KCNH7: variants seen among roughly 807,000 people sequenced by gnomAD.
The protein encoded by KCNH7 is potassium voltage-gated channel subfamily H member 7.
In KCNH7, 49 loss-of-function variants were observed where a neutral mutation model predicts 120.8. That is an observed-to-expected ratio of 0.41 (90% CI 0.32 to 0.51). The LOEUF (loss-of-function observed/expected upper bound fraction) is 0.51, where lower values mean the gene tolerates loss of function less well. Ranked by LOEUF, KCNH7 falls within the 20% of genes least tolerant of loss-of-function variation. The pLI, the probability that KCNH7 is intolerant of heterozygous loss-of-function variation, is 0.38. For synonymous variants in KCNH7, 547 were observed against 516.1 expected (o/e 1.06, Z -0.81); for missense variants, 1,097 against 1,446.6 (o/e 0.76, Z 3.92).
chr2:162,803,520 C>G (rs570624694), intron 2 of KCNH7, among the ~76,000 whole-genome samples: 3 of 151,810 alleles, frequency 2.0e-5, no homozygotes, highest in Admixed American at 2.0e-4. Context: ...AACACAGCCC[C>G]TAAATGATTC....
At chr2:162,628,964 T>C (rs1683658555) in intron 2 of KCNH7, among the ~76,000 whole-genome samples, 1 of 151,994 alleles carries the variant, frequency 6.6e-6, no homozygotes, top group African/African-American at 2.4e-5. Context: ...GGGCAAGGCA[T>C]AAGGGCAGTA....
chr2:162,411,792 CT>C (rs1025009588), intron 9 of KCNH7, among the ~76,000 whole-genome samples: 8 of 150,998 alleles, frequency 5.3e-5, no homozygotes, highest in South Asian at 2.1e-4. Flanking sequence ...TTGAAATCAA[CT>C]TTTTTTTCAA....
chr2:162,573,016 G>A (rs1434749131), intron 2 of KCNH7, among the ~76,000 whole-genome samples: 3 of 151,942 alleles, frequency 2.0e-5, no homozygotes, highest in Non-Finnish European at 4.4e-5. Context: ...CCTGCACATT[G>A]TGCTCATGTA....
At chr2:162,690,788 C>T (rs2105328053) in intron 2 of KCNH7, among the ~76,000 whole-genome samples, 1 of 152,192 alleles carries the variant, frequency 6.6e-6, no homozygotes, top group East Asian at 1.9e-4. Flanking sequence ...TTAACAGCAC[C>T]TTTATTTAGG....
At chr2:162,611,659 TA>T (rs1682969120) in intron 2 of KCNH7, among the ~76,000 whole-genome samples, 1 of 152,028 alleles carries the variant, frequency 6.6e-6, no homozygotes, top group Admixed American at 6.5e-5. Context: ...ATAACAAGAG[TA>T]AAAAGAGTTT....
chr2:162,380,222 T>C (rs1686368243), intron 13 of KCNH7, among the ~76,000 whole-genome samples: 2 of 152,264 alleles, frequency 1.3e-5, no homozygotes, highest in East Asian at 1.9e-4. Context: ...CTACCTCCCA[T>C]ATCCGTTTCC....
chr2:162,729,620 CT>C (rs147391652), intron 2 of KCNH7, among the ~76,000 whole-genome samples: 3,238 of 152,100 alleles, frequency 0.021, 72 homozygotes, highest in East Asian at 0.11. Context: ...CTTTTAATTT[CT>C]TTTTCCATGC....
At chr2:162,576,808 A>G (rs2105909020) in intron 2 of KCNH7, among the ~76,000 whole-genome samples, 1 of 152,190 alleles carries the variant, frequency 6.6e-6, no homozygotes, top group East Asian at 1.9e-4. Context: ...AGGAAAGGTA[A>G]GTTTTTAATT....
intron 2 of KCNH7, among the ~76,000 whole-genome samples, chr2:162,748,781 C>T (rs1688408392): frequency 6.6e-6 from 1 of 151,540 alleles, no homozygotes; most frequent in South Asian, 2.1e-4. Flanking sequence ...AAGCAATATT[C>T]CACAGAGCCA....
At chr2:162,696,170 A>C (rs34573783) in intron 2 of KCNH7, among the ~76,000 whole-genome samples, 24,300 of 152,156 alleles carry the variant, frequency 0.16, 2,282 homozygotes, top group East Asian at 0.46. Flanking sequence ...GCTTAGTGAC[A>C]GTAAAAGGAG....
At chr2:162,538,217 T>G (rs977366905) in intron 2 of KCNH7, 1 of 152,058 alleles carries the variant, frequency 6.6e-6, no homozygotes, top group African/African-American at 2.4e-5. Context: ...ATTGAGCATA[T>G]TTTATTTACT....
chr2:162,446,998 C>A (rs1688602391), intron 6 of KCNH7, among the ~76,000 whole-genome samples: 1 of 151,922 alleles, frequency 6.6e-6, no homozygotes, highest in Admixed American at 6.6e-5. Flanking sequence ...GGAAAAAAGG[C>A]AAATGAGATT....
intron 2 of KCNH7, among the ~76,000 whole-genome samples, chr2:162,569,950 G>C (rs1043886476): frequency 3.8e-5 from 5 of 130,588 alleles, no homozygotes; most frequent in Non-Finnish European, 8.0e-5. Context: ...TTACTTCCAA[G>C]TATGTGGTCA....
chr2:162,564,554 A>C (rs926993225), intron 2 of KCNH7, among the ~76,000 whole-genome samples: 3 of 151,994 alleles, frequency 2.0e-5, no homozygotes, highest in African/African-American at 4.8e-5. Context: ...TTCTTGGAAA[A>C]CCTTGGGAAG....
chr2:162,531,729 G>A (rs1251852714), intron 3 of KCNH7, among the ~76,000 whole-genome samples: 2 of 151,664 alleles, frequency 1.3e-5, no homozygotes, highest in African/African-American at 4.8e-5. Flanking sequence ...ATTGTTCAGG[G>A]AAAAACATTT....
At chr2:162,557,359 A>G (rs996675057) in intron 2 of KCNH7, among the ~76,000 whole-genome samples, 1 of 152,238 alleles carries the variant, frequency 6.6e-6, no homozygotes, top group African/African-American at 2.4e-5. Flanking sequence ...AGAGGCAGGA[A>G]GCATAAGCTA....
At chr2:162,690,948 CTTT>C (rs1686080153) in intron 2 of KCNH7, among the ~76,000 whole-genome samples, 2 of 152,164 alleles carry the variant, frequency 1.3e-5, no homozygotes, top group Non-Finnish European at 2.9e-5. Context: ...TTCCAATTAT[CTTT>C]TGTTCCACTT....
chr2:162,472,752 G>A (rs1689594423), intron 6 of KCNH7, among the ~76,000 whole-genome samples: 1 of 152,262 alleles, frequency 6.6e-6, no homozygotes, highest in Non-Finnish European at 1.5e-5. Flanking sequence ...TACACCCAAA[G>A]GATTATAAAT....
intron 2 of KCNH7, among the ~76,000 whole-genome samples, chr2:162,584,839 C>T (rs1340631497): frequency 2.6e-5 from 3 of 115,500 alleles, no homozygotes; most frequent in Admixed American, 2.0e-4. Context: ...AATTCATTCT[C>T]CTTTTAATTT....
Sources: allele counts gnomAD v4.1 joint callset (sites outside exome capture counted in the v4.1 genomes callset), GRCh38; gene constraint gnomAD v4.1.1; transcripts MANE v1.5; gene names NCBI Gene and HGNC (gene_info 2026-07-23, HGNC 2026-07-21).